FAM131B: variants seen among roughly 807,000 people sequenced by gnomAD.
The protein encoded by FAM131B is protein FAM131B.
Under a neutral mutation model 42.0 loss-of-function variants are expected in FAM131B, and 19 were observed. The observed-to-expected ratio is 0.45, with a 90% CI of 0.32 to 0.66. The LOEUF is 0.66. FAM131B is among the 30% of genes least tolerant of loss of function. FAM131B has a pLI of 0.05. For missense variants in FAM131B, 370 were observed against 468.4 expected (o/e 0.79, Z 1.94); for synonymous variants, 183 against 177.6 (o/e 1.03, Z -0.24).
At chr7:143,365,453 G>C (rs1341202604), upstream of FAM131B, among the ~76,000 whole-genome samples, 3 of 152,130 alleles carry the variant, frequency 2.0e-5, no homozygotes, top group Non-Finnish European at 4.4e-5. Context: ...TTAAAGAATA[G>C]AGTTTTCAGT....
At chr7:143,382,299 G>A in the FAM131B span, 1 of 1,612,532 alleles carries the variant, frequency 6.2e-7, no homozygotes, top group Non-Finnish European at 8.5e-7. Flanking sequence ...GATGCAGAGG[G>A]TGCTCTGGGA....
At chr7:143,380,427 A>G in the FAM131B span, 1 of 985,028 alleles carries the variant, frequency 1.0e-6, no homozygotes, top group Admixed American at 6.2e-5. The surrounding 1 kb of genome is among the most constrained non-coding windows in gnomAD (Gnocchi z 5.0). Context: ...CAAGAGCCCC[A>G]CCGTCGCCCG....
upstream of FAM131B, among the ~76,000 whole-genome samples, chr7:143,366,494 C>T (rs537868757): frequency 6.6e-6 from 1 of 151,824 alleles, no homozygotes; most frequent in Admixed American, 6.6e-5. Flanking sequence ...TGCTGGAAAA[C>T]ATTGGTAAGA....
At chr7:143,369,881 G>A in the FAM131B span, among the ~76,000 whole-genome samples, 3 of 152,100 alleles carry the variant, frequency 2.0e-5, no homozygotes, top group Non-Finnish European at 4.4e-5. Flanking sequence ...ATAGGGACAA[G>A]GCATTGCTCT....
chr7:143,357,129 G>T, intron 6 of FAM131B, 107 bp from the exon 7 acceptor site: 1 of 1,124,370 alleles, frequency 8.9e-7, no homozygotes, highest in Non-Finnish European at 1.3e-6. Flanking sequence ...AGAACTGGCA[G>T]TAAGACACAG....
At chr7:143,368,143 CA>C in the FAM131B span, among the ~76,000 whole-genome samples, 4 of 152,192 alleles carry the variant, frequency 2.6e-5, no homozygotes, top group African/African-American at 9.7e-5. Context: ...GTGTCCTCAC[CA>C]TGACCAGGCC....
chr7:143,382,169 G>C, the FAM131B span: 7 of 1,222,894 alleles, frequency 5.7e-6, no homozygotes, highest in East Asian at 1.2e-4. Context: ...TTGGGTTAGG[G>C]GTTAGAGCGG....
At chr7:143,371,742 G>A in the FAM131B span, among the ~76,000 whole-genome samples, 1 of 152,182 alleles carries the variant, frequency 6.6e-6, no homozygotes, top group East Asian at 1.9e-4. Context: ...AGCATGTGAG[G>A]AAGGCTATGA....
chr7:143,359,067 A>G lies in FAM131B; in HGVS notation c.269-43T>C, dbSNP rs747430733. 3.2e-6 allele frequency: 5 copies of G among 1,584,844 alleles called. No homozygotes were observed. The highest frequency in any genetic ancestry group is 4.3e-6 in the Non-Finnish European group (5 of 1,160,896). On this transcript the variant is annotated intron_variant, in intron 4 of 6. Transcript: ENST00000443739. The surrounding 1 kb of genome is among the most constrained non-coding windows in gnomAD (Gnocchi z 5.4). ...TCCCACATCCTCCAGAATATCACAC[A>G]ATACCCATAACCAGACCCTCCCAGT...
chr7:143,362,697 G>C lies in FAM131B; in HGVS notation c.-94C>G. ...GCGCCGCCGCCCCAGCCGCTCTGCAGCGCCGCGGCTGTCTCCGCTCGGCTC... is the reference window on the plus strand; with the variant it reads ...GCGCCGCCGCCCCAGCCGCTCTGCACCGCCGCGGCTGTCTCCGCTCGGCTC... On this transcript the variant is annotated 5_prime_UTR_variant, in exon 1 of 7. Transcript: ENST00000443739. The surrounding 1 kb of genome is among the most constrained non-coding windows in gnomAD (Gnocchi z 7.7). 1.7e-6 allele frequency: 1 copy of C among 602,904 alleles called. No individual in the cohort carries two copies. The allele number at this position is 602,904 out of a possible 1,614,324, so 37.3% of individuals were successfully genotyped here. A position where few individuals can be genotyped will look rare whatever the true frequency, so the allele number is the denominator to read the frequency against.
chr7:143,360,294 C>T, intron 1 of FAM131B, 145 bp from the exon 2 acceptor site: 1 of 1,461,802 alleles, frequency 6.8e-7, no homozygotes, highest in East Asian at 2.5e-5. Flanking sequence ...CTAGGGGAGA[C>T]AAGTAGTAAT....
At chr7:143,366,001 C>T (rs981887170), upstream of FAM131B, among the ~76,000 whole-genome samples, 4 of 152,266 alleles carry the variant, frequency 2.6e-5, no homozygotes, top group South Asian at 8.3e-4. Context: ...ATCTTCCTGC[C>T]ACAGGATCCC....
chr7:143,370,886 G>A, the FAM131B span, among the ~76,000 whole-genome samples: 1 of 152,084 alleles, frequency 6.6e-6, no homozygotes, highest in Admixed American at 6.6e-5. Flanking sequence ...GGTCTGGATT[G>A]GGACTTCTTT....
chr7:143,375,562 G>A, the FAM131B span, among the ~76,000 whole-genome samples: 68 of 152,256 alleles, frequency 4.5e-4, no homozygotes, highest in East Asian at 0.012. Context: ...AAGCTCTGAG[G>A]GTGACTCAGA....
chr7:143,381,333 C>T, the FAM131B span: 3 of 1,136,854 alleles, frequency 2.6e-6, no homozygotes, highest in Admixed American at 4.9e-5. Context: ...GGAGGCTGCT[C>T]CGGACCGGGA....
At chr7:143,382,169 G>T in the FAM131B span, 4 of 1,222,892 alleles carry the variant, frequency 3.3e-6, no homozygotes, top group Admixed American at 6.0e-5. Context: ...TTGGGTTAGG[G>T]GTTAGAGCGG....
At chr7:143,375,184 A>G in the FAM131B span, among the ~76,000 whole-genome samples, 4 of 152,212 alleles carry the variant, frequency 2.6e-5, no homozygotes, top group African/African-American at 9.6e-5. Flanking sequence ...GCCTGCCTTG[A>G]TCTAGAGTGA....
In FAM131B at chr7:143,356,347, C is replaced by G. The variant is rs909821420; in HGVS notation, c.*203G>C. The G allele has an allele frequency of 5.3e-6, 3 of 569,900 alleles. No homozygotes were observed. The highest frequency in any genetic ancestry group is 9.4e-6 in the Non-Finnish European group (3 of 320,346). 35.3% of individuals were successfully genotyped at this position (569,900 alleles called of 1,614,324 possible). A position where few individuals can be genotyped will look rare whatever the true frequency, so the allele number is the denominator to read the frequency against. On this transcript the variant is annotated 3_prime_UTR_variant, in exon 7 of 7. Transcript: ENST00000443739. The surrounding 1 kb of genome is among the most constrained non-coding windows in gnomAD (Gnocchi z 4.4). ...CACGGCCATCTAGTTGCCCAGGTCT[C>G]AGTTCCCAGGCCTGTGGGTTTCTAG...
At position 143,356,978 on chromosome 7, in the gene FAM131B, C is replaced by T. The variant is rs759956104; in HGVS notation, c.655G>A (p.Val219Met). ...CCCAGACAGTACATACCCTGGGACA[C>T]GTAAGAGTGAGGCCATCCATCCATG... The part of the protein sequence containing the change: ...APMDGWPHSY[V>M]SQGMYCLGSS... The change falls in exon 7 of 7, where the codon GTG becomes ATG. Residue 219 changes from valine (V) to methionine (M), a missense_variant. Physicochemically the swap from Val to Met is conservative, Grantham distance 21. Coordinates refer to ENST00000443739, the MANE Select transcript of FAM131B (RefSeq NM_001031690.3). The surrounding 1 kb of genome is among the most constrained non-coding windows in gnomAD (Gnocchi z 4.4). The T allele has an allele frequency of 9.9e-6, 16 of 1,613,856 alleles. No homozygotes were observed. Among genetic ancestry groups the T allele is most frequent in the Non-Finnish European group, 1.4e-5 (16 of 1,179,992 alleles).
Sources: allele counts gnomAD v4.1 joint callset (sites outside exome capture counted in the v4.1 genomes callset), GRCh38; gene constraint gnomAD v4.1.1; non-coding constraint Gnocchi (gnomAD v3.1); transcripts MANE v1.5; gene names NCBI Gene and HGNC (gene_info 2026-07-23, HGNC 2026-07-21).